The following TRIM55 variants were observed in gnomAD, a reference collection of about 807,000 sequenced individuals.
TRIM55 encodes tripartite motif-containing protein 55.
In TRIM55, 50 loss-of-function variants were observed where a neutral mutation model predicts 60.9. That is an observed-to-expected ratio of 0.82 (90% CI 0.65 to 1.04). The LOEUF is 1.04. TRIM55 is among the 50% of genes least tolerant of loss of function. The pLI is 0.00. For synonymous variants in TRIM55, 237 were observed against 238.1 expected, an observed-to-expected ratio of 1.00 and a Z score of 0.04; for missense variants, 681 against 666.9, an observed-to-expected ratio of 1.02 and a Z score of -0.23.
At chr8:66,150,121 T>C (rs1410450397) in intron 5 of TRIM55, 96 bp from the exon 6 acceptor site, 9 of 1,402,826 alleles carry the variant, frequency 6.4e-6, no homozygotes, top group Non-Finnish European at 8.9e-6. Context: ...GAAACTAAGC[T>C]ATGAGATTCT....
chr8:66,122,595 T>G (rs572785005), upstream of TRIM55, among the ~76,000 whole-genome samples: 23 of 152,276 alleles, frequency 1.5e-4, no homozygotes, highest in Non-Finnish European at 3.4e-4. Flanking sequence ...TTTTCGGGGT[T>G]CACAAGGTAA....
At chr8:66,161,903 G>C (rs1183783731) in intron 9 of TRIM55, among the ~76,000 whole-genome samples, 2 of 151,950 alleles carry the variant, frequency 1.3e-5, no homozygotes, top group Admixed American at 1.3e-4. Context: ...TCATTTACCA[G>C]TTCTAGAGCT....
At chr8:66,149,607 T>C in intron 4 of TRIM55, 38 bp from the exon 5 acceptor site, 1 of 1,516,926 alleles carries the variant, frequency 6.6e-7, no homozygotes, top group South Asian at 1.1e-5. Context: ...TCGACTTTGT[T>C]TCAAATACTT....
chr8:66,148,463 G>C (rs1284462112), intron 4 of TRIM55, among the ~76,000 whole-genome samples: 1 of 152,196 alleles, frequency 6.6e-6, no homozygotes, highest in African/African-American at 2.4e-5. Flanking sequence ...AAAGTTAAAA[G>C]TTGCATTCAG....
At position 66,174,575 on chromosome 8, in the gene TRIM55, G is replaced by A. The variant is rs1443435663; in HGVS notation, c.1629G>A (p.Leu543=). Residue 543 remains leucine (L), a synonymous_variant, in exon 10 of 10, where the codon TTG becomes TTA. Coordinates refer to ENST00000315962, the MANE Select transcript of TRIM55 (RefSeq NM_184085.2). ...GCCATATCTTCTCCTTTTCCTGGTT[G>A]AACTCCCTAAATGAATGATATTCAT... ...PARHIFSFSW[L]NSLNE 2 of 1,602,956 alleles carry A rather than the reference G, an allele frequency of 1.2e-6. No individual in the cohort carries two copies. Among genetic ancestry groups the A allele is most frequent in the Admixed American group, 1.7e-5 (1 of 57,752 alleles).
chr8:66,172,825 T>C (rs933248232), intron 9 of TRIM55, among the ~76,000 whole-genome samples: 3 of 152,266 alleles, frequency 2.0e-5, no homozygotes, highest in African/African-American at 7.2e-5. Context: ...CTTGATGGTC[T>C]GTTCATCCAG....
the TRIM55 span, chr8:66,113,704 C>T: frequency 2.5e-6 from 1 of 402,476 alleles, no homozygotes; most frequent in Non-Finnish European, 4.9e-6. Context: ...ACTTCTGCGT[C>T]TTCTTAACCC....
intron 4 of TRIM55, among the ~76,000 whole-genome samples, chr8:66,138,529 A>T (rs1029147346): frequency 2.6e-5 from 4 of 152,156 alleles, no homozygotes; most frequent in Non-Finnish European, 5.9e-5. Context: ...AGCTGGGATT[A>T]CAGGCTCCCG....
At chr8:66,116,596 G>A in the TRIM55 span, among the ~76,000 whole-genome samples, 1 of 73,118 alleles carries the variant, frequency 1.4e-5, no homozygotes, top group African/African-American at 2.1e-4. Flanking sequence ...GACAGAGGGA[G>A]ACCCTGTCTC....
intron 9 of TRIM55, among the ~76,000 whole-genome samples, chr8:66,162,194 T>G (rs574213846): frequency 6.6e-6 from 1 of 152,272 alleles, no homozygotes; most frequent in African/African-American, 2.4e-5. Context: ...GTATGTCCCT[T>G]CTATGCTAAT....
upstream of TRIM55, chr8:66,127,100 A>G: frequency 1.5e-6 from 1 of 645,922 alleles, no homozygotes; most frequent in Non-Finnish European, 2.5e-6. Flanking sequence ...GCAGGCTGCT[A>G]AAAACAGCTC....
chr8:66,134,169 A>G (rs1360186298), intron 2 of TRIM55, among the ~76,000 whole-genome samples: 1 of 152,256 alleles, frequency 6.6e-6, no homozygotes, highest in Non-Finnish European at 1.5e-5. Flanking sequence ...GCAACAAAAC[A>G]AAATGTAGTC....
At chr8:66,127,116 C>A, upstream of TRIM55, 1 of 786,480 alleles carries the variant, frequency 1.3e-6, no homozygotes, top group Non-Finnish European at 1.9e-6. Flanking sequence ...AGCTCCAGCA[C>A]CCACTCCAAA....
intron 9 of TRIM55, among the ~76,000 whole-genome samples, chr8:66,156,379 C>T (rs1324558866): frequency 1.3e-5 from 2 of 152,144 alleles, no homozygotes; most frequent in African/African-American, 4.8e-5. Context: ...TACCAGCTAT[C>T]AGGAATTAGA....
the TRIM55 span, among the ~76,000 whole-genome samples, chr8:66,118,765 G>A: frequency 6.6e-6 from 1 of 152,162 alleles, no homozygotes; most frequent in Non-Finnish European, 1.5e-5. Flanking sequence ...ATATCTGGCA[G>A]GACTGATAAC....
chr8:66,128,616 T>C, intron 2 of TRIM55, 140 bp downstream of exon 2: 2 of 876,128 alleles, frequency 2.3e-6, no homozygotes, highest in South Asian at 3.7e-5. Context: ...AAGTCAGTCC[T>C]TCCCAGTGAG....
the TRIM55 span, among the ~76,000 whole-genome samples, chr8:66,114,329 C>G: frequency 0.015 from 2,247 of 152,224 alleles, 21 homozygotes; most frequent in Middle Eastern, 0.055. Flanking sequence ...AAAAGTCAGA[C>G]GAAGTCAGGT....
chr8:66,154,784 G>A (rs1810649596), intron 9 of TRIM55, among the ~76,000 whole-genome samples: 1 of 152,202 alleles, frequency 6.6e-6, no homozygotes. Flanking sequence ...TGAGTTTTAA[G>A]TCTGTTCTGG....
chr8:66,159,063 A>G (rs1810904926), intron 9 of TRIM55, among the ~76,000 whole-genome samples: 1 of 152,178 alleles, frequency 6.6e-6, no homozygotes, highest in Non-Finnish European at 1.5e-5. Flanking sequence ...ACTAAAATTT[A>G]CCCATTTTAA....
Sources: gnomAD v4.1 joint callset for allele counts (sites outside exome capture counted in the v4.1 genomes callset) on GRCh38, gnomAD v4.1.1 for gene constraint, MANE v1.5 for transcripts, NCBI Gene and HGNC (gene_info 2026-07-23, HGNC 2026-07-21) for gene names.